CDH13: variants seen among roughly 807,000 people sequenced by gnomAD.
CDH13 encodes cadherin-13.
Under a neutral mutation model 63.8 loss-of-function variants are expected in CDH13, and 24 were observed. The observed-to-expected ratio is 0.38, with a 90% CI of 0.27 to 0.53. CDH13 has a LOEUF of 0.53. Among genes scored for constraint, CDH13 ranks in the 20% least tolerant of loss-of-function variants. The probability of loss-of-function intolerance (pLI) is 0.85; values close to 1 mark genes in which losing one functional copy is unlikely to be tolerated. For synonymous variants in CDH13, 503 were observed against 355.3 expected, an observed-to-expected ratio of 1.42 and a Z score of -4.67; for missense variants, 1,049 against 903.1, an observed-to-expected ratio of 1.16 and a Z score of -2.07.
At chr16:82,645,407 C>G (rs577195645) in intron 1 of CDH13, among the ~76,000 whole-genome samples, 54 of 152,214 alleles carry the variant, frequency 3.5e-4, no homozygotes, top group African/African-American at 1.3e-3. Flanking sequence ...ACCGTTGGCT[C>G]TCAACTGTTG....
chr16:82,985,289 C>G (rs1395692855), intron 2 of CDH13, among the ~76,000 whole-genome samples: 2 of 152,098 alleles, frequency 1.3e-5, no homozygotes, highest in African/African-American at 2.4e-5. Context: ...AAAGGCATCT[C>G]TATTATAGCA....
intron 4 of CDH13, chr16:83,171,441 C>G: frequency 4.1e-6 from 5 of 1,219,096 alleles, no homozygotes; most frequent in Non-Finnish European, 5.8e-6. Flanking sequence ...GGACACAGAT[C>G]CAAACCATAT....
At chr16:83,447,383 C>T (rs1048330553) in intron 6 of CDH13, among the ~76,000 whole-genome samples, 1 of 151,832 alleles carries the variant, frequency 6.6e-6, no homozygotes, top group Non-Finnish European at 1.5e-5. Flanking sequence ...CCACTGCACT[C>T]CAGCCTGGGC....
chr16:83,337,243 A>G (rs1034904652), intron 5 of CDH13, among the ~76,000 whole-genome samples: 19 of 152,176 alleles, frequency 1.2e-4, no homozygotes, highest in African/African-American at 4.3e-4. Flanking sequence ...AACCCCCCAC[A>G]GTATGGAAAG....
Position 83,341,989 on chromosome 16 carries a change from C to CCCCACACACACACACA in CDH13, c.637-2872_637-2871insCCACACACACACACAC, listed in dbSNP as rs767233245. ...ATTTATTTTGAATAGGTGTCCCCTGCCACACACACACACACACACACACAC... is the reference window on the plus strand; with the variant it reads ...ATTTATTTTGAATAGGTGTCCCCTGCCCCACACACACACACACACACACACACACACACACACACAC... On this transcript the variant is annotated intron_variant, in intron 5 of 13. Transcript: ENST00000567109. Among the ~76,000 whole-genome samples the CCCCACACACACACACA allele has an allele frequency of 2.3e-3, 311 of 138,146 alleles. 2 individuals are homozygous for CCCCACACACACACACA. Among genetic ancestry groups the CCCCACACACACACACA allele is most frequent in the Non-Finnish European group, 3.7e-3 (235 of 64,246 alleles). The allele number at this position is 138,146 out of a possible 152,430, so 90.6% of individuals were successfully genotyped here.
At chr16:82,961,750 C>G (rs1907040621) in intron 2 of CDH13, among the ~76,000 whole-genome samples, 1 of 152,094 alleles carries the variant, frequency 6.6e-6, no homozygotes, top group South Asian at 2.1e-4. Flanking sequence ...TTGATCCTGT[C>G]TTTGGTTCTC....
At chr16:83,016,413 A>T (rs115896908) in intron 2 of CDH13, among the ~76,000 whole-genome samples, 1 of 152,168 alleles carries the variant, frequency 6.6e-6, no homozygotes, top group African/African-American at 2.4e-5. Flanking sequence ...TTGATTGCCA[A>T]CTCTCTTCTA....
chr16:82,829,753 T>C (rs955023176), intron 1 of CDH13: 1 of 152,170 alleles, frequency 6.6e-6, no homozygotes, highest in African/African-American at 2.4e-5. Context: ...TTTATAAATA[T>C]TAATTAATCT....
intron 4 of CDH13, among the ~76,000 whole-genome samples, chr16:83,197,260 G>A (rs575322673): frequency 2.1e-5 from 3 of 145,214 alleles, no homozygotes; most frequent in Non-Finnish European, 4.5e-5. Context: ...ATGTTTGTGG[G>A]TGTATCATAG....
chr16:82,890,907 C>A (rs2041057863), intron 2 of CDH13, among the ~76,000 whole-genome samples: 1 of 152,142 alleles, frequency 6.6e-6, no homozygotes, highest in African/African-American at 2.4e-5. Context: ...CCACCGCAGC[C>A]TCCCAAAGTG....
At chr16:83,761,114 C>G (rs13330799) in intron 11 of CDH13, among the ~76,000 whole-genome samples, 4,953 of 152,188 alleles carry the variant, frequency 0.033, 251 homozygotes, top group African/African-American at 0.11. Flanking sequence ...CTTTAAATAC[C>G]CCTTAGAGGA....
chr16:82,983,172 G>C (rs536181496), intron 2 of CDH13, among the ~76,000 whole-genome samples: 1 of 152,228 alleles, frequency 6.6e-6, no homozygotes, highest in African/African-American at 2.4e-5. Flanking sequence ...GCTGATCTTG[G>C]CTCCAGGGCT....
intron 7 of CDH13, among the ~76,000 whole-genome samples, chr16:83,575,057 T>G (rs1204951479): frequency 6.6e-6 from 1 of 152,246 alleles, no homozygotes; most frequent in Non-Finnish European, 1.5e-5. Flanking sequence ...GAATATTATT[T>G]GGCCATAAAA....
At chr16:83,237,317 C>G (rs148952898) in intron 5 of CDH13, among the ~76,000 whole-genome samples, 1 of 152,260 alleles carries the variant, frequency 6.6e-6, no homozygotes, top group East Asian at 1.9e-4. Flanking sequence ...TCTTTGCTGT[C>G]AAGCAGAAGC....
chr16:83,428,838 ATC>A (rs1487642171), intron 6 of CDH13, among the ~76,000 whole-genome samples: 4 of 152,176 alleles, frequency 2.6e-5, no homozygotes, highest in Admixed American at 2.6e-4. Context: ...ATTGTTTCAA[ATC>A]TCCCCATCTT....
At chr16:83,255,383 C>G (rs1261900938) in intron 5 of CDH13, among the ~76,000 whole-genome samples, 3 of 152,162 alleles carry the variant, frequency 2.0e-5, no homozygotes, top group African/African-American at 7.2e-5. Context: ...ATTAGGAACG[C>G]CTGCAGAAAA....
chr16:82,795,605 G>A (rs1048971479), intron 1 of CDH13, among the ~76,000 whole-genome samples: 3 of 152,136 alleles, frequency 2.0e-5, no homozygotes, highest in Non-Finnish European at 1.5e-5. Flanking sequence ...AAGGTTTAAG[G>A]AGAAGCTTAC....
chr16:83,699,097 C>G (rs1008590109), intron 10 of CDH13, among the ~76,000 whole-genome samples: 8 of 152,206 alleles, frequency 5.3e-5, no homozygotes, highest in African/African-American at 1.7e-4. Context: ...TAGTGCCTGC[C>G]CCGTGACAAG....
chr16:82,766,845 A>C (rs1227664825), intron 1 of CDH13, among the ~76,000 whole-genome samples: 1 of 152,208 alleles, frequency 6.6e-6, no homozygotes, highest in Non-Finnish European at 1.5e-5. Flanking sequence ...TTGAAGATGT[A>C]TTTGTACCCG....
Sources: gnomAD v4.1 joint callset for allele counts (sites outside exome capture counted in the v4.1 genomes callset) on GRCh38, gnomAD v4.1.1 for gene constraint, MANE v1.5 for transcripts, NCBI Gene and HGNC (gene_info 2026-07-23, HGNC 2026-07-21) for gene names.